Variants in SPARC observed in about 807,000 individuals in gnomAD.
SPARC encodes the protein basement-membrane protein 40.
In SPARC, 23 loss-of-function variants were observed where a neutral mutation model predicts 37.7. That is an observed-to-expected ratio of 0.61 (90% CI 0.44 to 0.87). SPARC has a LOEUF of 0.87. Ranked by LOEUF, SPARC falls within the 40% of genes least tolerant of loss-of-function variation. The pLI, the probability that SPARC is intolerant of heterozygous loss-of-function variation, is 0.00. For missense variants in SPARC, 312 were observed against 389.0 expected (o/e 0.80, Z 1.66); for synonymous variants, 155 against 150.8 (o/e 1.03, Z -0.20).
chr5:151,674,999 C>G (rs1760825915), intron 2 of SPARC, among the ~76,000 whole-genome samples: 1 of 152,214 alleles, frequency 6.6e-6, no homozygotes. Context: ...AATTCTTTCA[C>G]TTTACAGATA....
At chr5:151,685,422 T>TCTCTCACACACA (rs1216324359) in intron 1 of SPARC, among the ~76,000 whole-genome samples, 9 of 140,522 alleles carry the variant, frequency 6.4e-5, no homozygotes, top group Admixed American at 2.2e-4. Context: ...CCTCTCTCTC[T>TCTCTCACACACA]CACACACACA....
At chr5:151,667,676 C>A in intron 6 of SPARC, 76 bp from the exon 7 acceptor site, 1 of 1,529,946 alleles carries the variant, frequency 6.5e-7, no homozygotes, top group Non-Finnish European at 8.8e-7. Flanking sequence ...CCCACCCACC[C>A]ACATACCACC....
chr5:151,667,354 G>A (rs1335358270), intron 7 of SPARC, 113 bp downstream of exon 7: 1 of 1,190,502 alleles, frequency 8.4e-7, no homozygotes, highest in Non-Finnish European at 1.2e-6. Flanking sequence ...TGGTGCTCAG[G>A]GGTAAATGCA....
intron 7 of SPARC, 24 bp from the exon 8 acceptor site, chr5:151,666,533 G>A (rs1433116002): frequency 2.5e-6 from 4 of 1,610,216 alleles, no homozygotes; most frequent in Non-Finnish European, 3.4e-6. Flanking sequence ...GACTGTGTGT[G>A]ACAAGAGGTC....
At chr5:151,685,422 T>A (rs5872226) in intron 1 of SPARC, among the ~76,000 whole-genome samples, 40,820 of 140,290 alleles carry the variant, frequency 0.29, 6,596 homozygotes, top group Non-Finnish European at 0.36. Flanking sequence ...CCTCTCTCTC[T>A]CACACACACA....
intron 4 of SPARC, 68 bp downstream of exon 4, chr5:151,673,061 T>C (rs1760781766): frequency 3.7e-6 from 4 of 1,081,668 alleles, no homozygotes; most frequent in Non-Finnish European, 5.8e-6. Context: ...ATGTAGGCTG[T>C]CCTCGTGCCC....
In SPARC at chr5:151,667,646, C is replaced by T. The variant is rs367712776; in HGVS notation, c.452-46G>A. The T allele has an allele frequency of 9.3e-5, 149 of 1,600,856 alleles. No homozygotes were observed. In the African/African-American group the frequency reaches 1.7e-3, roughly 18 times the overall value. On this transcript the variant is annotated intron_variant, in intron 6 of 9. Transcript: ENST00000231061. ...CGGTCAGCACAGACCCTGCCTGGGC[C>T]GTGCTCCCCACCCCAGGCCCCCACC...
chr5:151,663,663 G>T, intron 9 of SPARC, 64 bp from the exon 10 acceptor site: 1 of 1,543,680 alleles, frequency 6.5e-7, no homozygotes, highest in Non-Finnish European at 9.0e-7. Flanking sequence ...CACTTCCCAA[G>T]GAGTCAGTGG....
chr5:151,682,415 T>C (rs541889307), intron 1 of SPARC, among the ~76,000 whole-genome samples: 2 of 152,332 alleles, frequency 1.3e-5, no homozygotes, highest in African/African-American at 4.8e-5. Flanking sequence ...AACATCAAAG[T>C]GTCCAGGCTA....
rs1760851510 is a variant in SPARC, at chr5:151,676,140, C to T, written c.49G>A (p.Ala17Thr). 6.2e-7 allele frequency: 1 copy of T among 1,611,670 alleles called. No individual in the cohort carries two copies. The highest frequency in any genetic ancestry group is 8.5e-7 in the Non-Finnish European group (1 of 1,179,138). ...FLLCLAGRALAAPQQEALPDE... is the reference protein window; with the variant it reads ...FLLCLAGRALTAPQQEALPDE... ...GATATTTAGGTACTTACAGGGGCTG[C>T]CAAGGCCCTCCCGGCCAGGCAAAGG... The change falls in exon 2 of 10, where the codon GCA becomes ACA. Residue 17 changes from alanine to threonine, a missense_variant. Coordinates refer to ENST00000231061, the MANE Select transcript of SPARC (RefSeq NM_003118.4).
intron 1 of SPARC, 138 bp downstream of exon 1, chr5:151,686,727 G>C (rs1761148341): frequency 6.6e-6 from 1 of 152,452 alleles, no homozygotes; most frequent in East Asian, 1.9e-4. Flanking sequence ...GCTCTTAAGG[G>C]GAGCCGTGAT....
At chr5:151,682,780 T>C (rs73277846) in intron 1 of SPARC, among the ~76,000 whole-genome samples, 163 of 152,330 alleles carry the variant, frequency 1.1e-3, no homozygotes, top group African/African-American at 3.8e-3. Context: ...ATGTTTGCTT[T>C]GCTTTTTTTA....
chr5:151,680,216 CTTTTTT>C (rs58021431), intron 1 of SPARC, among the ~76,000 whole-genome samples: 25 of 61,982 alleles, frequency 4.0e-4, no homozygotes, highest in African/African-American at 1.6e-3. Context: ...TGGAAAACAT[CTTTTTT>C]TTTTTTTTTT....
At chr5:151,675,104 A>AT (rs1294850367) in intron 2 of SPARC, among the ~76,000 whole-genome samples, 1 of 152,144 alleles carries the variant, frequency 6.6e-6, no homozygotes, top group Non-Finnish European at 1.5e-5. Flanking sequence ...TTATTAGGCA[A>AT]TTTTTCTTGC....
chr5:151,684,816 G>T (rs1362450294), intron 1 of SPARC, among the ~76,000 whole-genome samples: 2 of 152,120 alleles, frequency 1.3e-5, no homozygotes, highest in Non-Finnish European at 2.9e-5. Flanking sequence ...GGCCCAGAAA[G>T]AAGTATTAGT....
intron 1 of SPARC, among the ~76,000 whole-genome samples, chr5:151,676,584 T>A (rs1439906108): frequency 6.6e-6 from 1 of 152,230 alleles, no homozygotes; most frequent in African/African-American, 2.4e-5. Flanking sequence ...GTTTTTTCCA[T>A]TTATGGTAGT....
intron 1 of SPARC, 148 bp from the exon 2 acceptor site, chr5:151,676,349 T>A: frequency 1.7e-6 from 1 of 590,260 alleles, no homozygotes. Flanking sequence ...CATTTAATAT[T>A]CTTTCAATTC....
Position 151,674,670 on chromosome 5 carries a change from T to C in SPARC, c.62A>G (p.Gln21Arg), listed in dbSNP as rs778987073. The change falls in exon 3 of 10, where the codon CAA (glutamine) becomes CGA (arginine). Residue 21 changes from glutamine to arginine, a missense_variant. Coordinates refer to ENST00000231061, the MANE Select transcript of SPARC (RefSeq NM_003118.4). ...CTCTGTCTCATCAGGCAGGGCTTCT[T>C]GCTGCTGTTGGAAAGAGAAAGTAGC... ...LAGRALAAPQQEALPDETEVV... is the reference protein window; with the variant it reads ...LAGRALAAPQREALPDETEVV... 2 of 1,614,148 alleles carry C rather than the reference T, an allele frequency of 1.2e-6. No homozygotes were observed. The highest frequency in any genetic ancestry group is 2.2e-5 in the South Asian group (2 of 91,076).
rs1157920926 is a variant in SPARC, at chr5:151,666,208, T to TTTTCTCCAGATGCCTCATCC, written c.734+133_734+152dup. Among the ~76,000 whole-genome samples, 7 of 152,332 alleles carry TTTTCTCCAGATGCCTCATCC rather than the reference T, an allele frequency of 4.6e-5. No homozygotes were observed. The East Asian group carries it at 1.4e-3, about 29-fold the overall frequency. On this transcript the variant is annotated intron_variant, in intron 8 of 9. Coordinates refer to ENST00000231061, the MANE Select transcript of SPARC (RefSeq NM_003118.4). ...GGTTTCTTTGTCCCAGGTCCACATC[T>TTTTCTCCAGATGCCTCATCC]TTTCTCCAGATGCCTCATCCTTCTG...
Sources: gnomAD v4.1 joint callset for allele counts (sites outside exome capture counted in the v4.1 genomes callset) on GRCh38, gnomAD v4.1.1 for gene constraint, MANE v1.5 for transcripts, NCBI Gene and HGNC (gene_info 2026-07-23, HGNC 2026-07-21) for gene names.